ZNF365: variants seen among roughly 807,000 people sequenced by gnomAD.
ZNF365 encodes protein ZNF365.
A neutral mutation model predicts 35.0 loss-of-function variants in ZNF365; 22 were observed. The ratio of observed to expected loss-of-function variants is 0.63; its 90% CI spans 0.45 to 0.90. The LOEUF (loss-of-function observed/expected upper bound fraction) is 0.90. ZNF365 is among the 40% of genes least tolerant of loss of function. The pLI, the probability that ZNF365 is intolerant of heterozygous loss-of-function variation, is 0.00. For synonymous variants in ZNF365, 188 were observed against 196.2 expected (o/e 0.96, Z 0.35); for missense variants, 448 against 500.3 (o/e 0.90, Z 1.00).
rs577606268 is a variant in ZNF365 at position 62,379,651 on chromosome 10, C to T, written c.743+2715C>T. Among the ~76,000 whole-genome samples the T allele has an allele frequency of 7.9e-5, 12 of 152,212 alleles. No individual in the cohort carries two copies. The East Asian group carries it at 2.3e-3, about 29-fold the overall frequency. On this transcript the variant is annotated intron_variant, in intron 2 of 4. Transcript: ENST00000395254. Reference sequence around the variant, plus strand: ...CGTCTGGCCTCCCCACCCCCGCACCCCTGCCCTCTGAATGGGGATGCAGAG... The same window carrying T: ...CGTCTGGCCTCCCCACCCCCGCACCTCTGCCCTCTGAATGGGGATGCAGAG...
At chr10:62,404,221 G>A (rs1839872503), downstream of ZNF365, among the ~76,000 whole-genome samples, 1 of 152,212 alleles carries the variant, frequency 6.6e-6, no homozygotes. Flanking sequence ...TGCATATGTG[G>A]AGGTAGATGC....
intron 4 of ZNF365, 52 bp downstream of exon 4, chr10:62,398,829 T>C (rs1486576404): frequency 4.6e-6 from 7 of 1,533,176 alleles, no homozygotes; most frequent in Non-Finnish European, 6.2e-6. Flanking sequence ...GTATTGTATG[T>C]TTTCCTGTTG....
intron 2 of ZNF365, among the ~76,000 whole-genome samples, chr10:62,378,216 G>C (rs1839369153): frequency 6.6e-6 from 1 of 152,174 alleles, no homozygotes; most frequent in African/African-American, 2.4e-5. Flanking sequence ...CCACCAGAGT[G>C]ACCCGCACTG....
chr10:62,437,937 G>A lies in ZNF365; in HGVS notation c.925-21804G>A, dbSNP rs555540651. On this transcript the variant is annotated intron_variant, in intron 3 of 4. Coordinates refer to the ZNF365 transcript ENST00000395255. ...TTGATGAGTTTTATTTGCTGAACAC[G>A]CTCTACATCCAACATCATTCTTCTG... Among the ~76,000 whole-genome samples, 9 of 152,274 alleles carry A rather than the reference G, an allele frequency of 5.9e-5. No homozygotes were observed. The South Asian group carries it at 6.2e-4, about 11-fold the overall frequency.
At chr10:62,410,195 T>C (rs868757618) in intron 3 of ZNF365, among the ~76,000 whole-genome samples, 4 of 152,266 alleles carry the variant, frequency 2.6e-5, no homozygotes, top group African/African-American at 7.2e-5. Flanking sequence ...ACTAAAATCC[T>C]GATTAACTAA....
chr10:62,438,178 CTTGTTT>C (rs1242741768), intron 3 of ZNF365, among the ~76,000 whole-genome samples: 3 of 150,302 alleles, frequency 2.0e-5, no homozygotes, highest in Admixed American at 1.3e-4. Flanking sequence ...ACAGTATTTT[CTTGTTT>C]TTGTTTTTGT....
intron 3 of ZNF365, among the ~76,000 whole-genome samples, chr10:62,451,424 T>C (rs1258865006): frequency 6.6e-6 from 1 of 152,080 alleles, no homozygotes; most frequent in Non-Finnish European, 1.5e-5. Context: ...TGGCTCTCAC[T>C]CTTCCCTGGT....
At chr10:62,426,961 A>G (rs1432602328) in intron 3 of ZNF365, among the ~76,000 whole-genome samples, 1 of 152,144 alleles carries the variant, frequency 6.6e-6, no homozygotes, top group African/African-American at 2.4e-5. Context: ...GTAAAATGTC[A>G]AGACATCGTA....
At chr10:62,423,597 G>T (rs1431018228) in intron 3 of ZNF365, among the ~76,000 whole-genome samples, 1 of 152,112 alleles carries the variant, frequency 6.6e-6, no homozygotes. Context: ...TATTCTAAAT[G>T]ACTAGAATTC....
intron 3 of ZNF365, among the ~76,000 whole-genome samples, chr10:62,408,311 C>T (rs990516652): frequency 7.9e-5 from 12 of 152,228 alleles, no homozygotes; most frequent in Admixed American, 7.8e-4. Context: ...GTTTAATGAA[C>T]TCAAAGCAGA....
chr10:62,448,678 A>T (rs1039026529), intron 3 of ZNF365, among the ~76,000 whole-genome samples: 1 of 152,124 alleles, frequency 6.6e-6, no homozygotes, highest in Admixed American at 6.6e-5. Flanking sequence ...GGCTTACGAA[A>T]GTCTAAGATT....
At chr10:62,402,584 A>AGC (rs1394303411), downstream of ZNF365, 1 of 492,106 alleles carries the variant, frequency 2.0e-6, no homozygotes, top group Non-Finnish European at 2.6e-6. Context: ...TTGTGTACCT[A>AGC]TAGGTTTTCT....
Position 62,401,060 on chromosome 10 carries a change from A to T in ZNF365, c.*1271A>T. 1.0e-6 allele frequency: 1 copy of T among 985,548 alleles called. No homozygotes were observed. The highest frequency in any genetic ancestry group is 1.2e-6 in the Non-Finnish European group (1 of 829,928). 61.1% of individuals were successfully genotyped at this position (985,548 alleles called of 1,614,324 possible). ...TTTCCTTAAATTTAGCAATATCATC[A>T]GGTCTCTTGCAGAGTTTACAAGTGC... On this transcript the variant is annotated 3_prime_UTR_variant, in exon 5 of 5. Coordinates refer to ENST00000395254, the MANE Select transcript of ZNF365 (RefSeq NM_014951.3).
intron 2 of ZNF365, 66 bp downstream of exon 2, chr10:62,377,002 C>A (rs1839348867): frequency 2.0e-6 from 3 of 1,529,130 alleles, no homozygotes; most frequent in East Asian, 4.5e-5. Context: ...GCCTTACAAG[C>A]AAATGCTAAG....
At chr10:62,386,002 G>A (rs546924204) in intron 2 of ZNF365, among the ~76,000 whole-genome samples, 8 of 151,990 alleles carry the variant, frequency 5.3e-5, no homozygotes, top group Non-Finnish European at 1.2e-4. Flanking sequence ...CTCTACAACA[G>A]GCTTGTAGAA....
intron 2 of ZNF365, among the ~76,000 whole-genome samples, chr10:62,381,929 G>GT (rs1293218937): frequency 6.6e-6 from 1 of 152,158 alleles, no homozygotes; most frequent in African/African-American, 2.4e-5. Flanking sequence ...TCTTTATTGA[G>GT]TGTTTGCTGA....
rs191288886 is a variant in ZNF365 at position 62,376,279 on chromosome 10, C to T, written c.86C>T (p.Pro29Leu). The change falls in exon 2 of 5, where the codon CCG becomes CTG. Residue 29 changes from proline to leucine, a missense_variant. Physicochemically the swap from Pro to Leu is moderately conservative, Grantham distance 98 (BLOSUM62 -3). This residue lies in a region of ZNF365 where 76 missense variants were observed against 96.7 expected (regional missense o/e 0.79). Coordinates refer to ENST00000395254, the MANE Select transcript of ZNF365 (RefSeq NM_014951.3). ...GCTGTGTGCCTGCCATTACGCTGCC[C>T]GAGGTGTGGAGACCATACCAGATTT... ...NVAVCLPLRC[P>L]RCGDHTRFRS... 9.6e-5 allele frequency: 155 copies of T among 1,614,054 alleles called. No individual in the cohort carries two copies. In the African/African-American group the frequency reaches 1.7e-3, roughly 18 times the overall value.
At position 62,402,169 on chromosome 10, in the gene ZNF365, A is replaced by G. The variant is rs2132431869; in HGVS notation, c.*2380A>G. The G allele has an allele frequency of 1.0e-6, 1 of 986,004 alleles. No homozygotes were observed. The highest frequency in any genetic ancestry group is 1.2e-6 in the Non-Finnish European group (1 of 829,928). The allele number at this position is 986,004 out of a possible 1,614,324, so 61.1% of individuals were successfully genotyped here. On this transcript the variant is annotated 3_prime_UTR_variant, in exon 5 of 5. Coordinates refer to ENST00000395254, the MANE Select transcript of ZNF365 (RefSeq NM_014951.3). Reference sequence around the variant, plus strand: ...CGGTTGCTTTTTTGAAGAAATCACCAAAGTTTCTGGGAAACTATGTTCAAG... The same window carrying G: ...CGGTTGCTTTTTTGAAGAAATCACCGAAGTTTCTGGGAAACTATGTTCAAG...
intron 4 of ZNF365, among the ~76,000 whole-genome samples, chr10:62,478,448 T>C (rs1841167517): frequency 6.6e-6 from 1 of 152,248 alleles, no homozygotes; most frequent in East Asian, 1.9e-4. Flanking sequence ...TACTTTTACA[T>C]TATTGTCTTT....
Sources: allele counts gnomAD v4.1 joint callset (sites outside exome capture counted in the v4.1 genomes callset), GRCh38; gene constraint gnomAD v4.1.1; regional missense constraint gnomAD v4.1.1; transcripts MANE v1.5; gene names NCBI Gene and HGNC (gene_info 2026-07-23, HGNC 2026-07-21).